LRP10: variants seen among roughly 807,000 people sequenced by gnomAD.
LRP10 encodes low-density lipoprotein receptor-related protein 10.
A neutral mutation model predicts 58.5 loss-of-function variants in LRP10; 42 were observed. That is an observed-to-expected ratio of 0.72 (90% CI 0.56 to 0.93). LRP10 has a LOEUF of 0.93. Among genes scored for constraint, LRP10 ranks in the 40% least tolerant of loss-of-function variants. The pLI is 0.00. For synonymous variants in LRP10, 377 were observed against 388.5 expected (o/e 0.97, Z 0.35); for missense variants, 872 against 940.1 (o/e 0.93, Z 0.95).
rs139650807 is a variant in LRP10 at position 22,875,867 on chromosome 14, T to A, written c.919T>A (p.Tyr307Asn). ...CAATGCCACCTACCATGTGCGGGGC[T>A]ATTGCTTGCCTTGGGACAGACCCTG... is the stretch of plus-strand genomic sequence containing the variant. ...GFNATYHVRG[Y>N]CLPWDRPCGL... The change falls in exon 5 of 7, where the codon TAT (tyrosine) becomes AAT (asparagine). Residue 307 changes from tyrosine (Y) to asparagine (N), a missense_variant. By Grantham distance (143) the Tyr-to-Asn change is moderately radical. Transcript: ENST00000359591. The A allele has an allele frequency of 3.8e-5, 62 of 1,613,782 alleles. No individual in the cohort carries two copies. The highest frequency in any genetic ancestry group is 3.5e-4 in the Admixed American group (21 of 60,026).
At chr14:22,874,922 A>T in intron 3 of LRP10, 133 bp from the exon 4 acceptor site, 1 of 514,088 alleles carries the variant, frequency 1.9e-6, no homozygotes, top group Non-Finnish European at 3.3e-6. Flanking sequence ...CTGAGTTTTC[A>T]TTTGGCCATT....
Position 22,873,586 on chromosome 14 carries a change from G to A in LRP10, c.215+140G>A, listed in dbSNP as rs565832633. ...GTCACCCGGGCTGGAGTGCAATGGC[G>A]CGATCTCAGCTCACTGCAACCACCA... On this transcript the variant is annotated intron_variant, in intron 3 of 6. Transcript: ENST00000359591. 5.4e-4 allele frequency: 568 copies of A among 1,057,214 alleles called. 2 individuals are homozygous for A. Among genetic ancestry groups the A allele is most frequent in the Non-Finnish European group, 5.6e-4 (427 of 756,650 alleles). 65.5% of individuals were successfully genotyped at this position (1,057,214 alleles called of 1,614,324 possible).
At chr14:22,873,219 G>T (rs1022846330) in intron 2 of LRP10, 92 bp from the exon 3 acceptor site, 1 of 1,499,312 alleles carries the variant, frequency 6.7e-7, no homozygotes, top group African/African-American at 1.4e-5. Flanking sequence ...GCAGAGCCCA[G>T]ACTTTTGGAA....
At chr14:22,872,694 TAA>T (rs1397854320) in intron 1 of LRP10, 42 bp from the exon 2 acceptor site, 3 of 1,600,446 alleles carry the variant, frequency 1.9e-6, no homozygotes, top group Non-Finnish European at 1.7e-6. Flanking sequence ...AGAAAACTCC[TAA>T]GGAGTGTCTC....
chr14:22,872,317 C>CCCT lies in LRP10; in HGVS notation c.30_32dup (p.Leu11dup), dbSNP rs745355268. The CCCT allele has an allele frequency of 1.2e-5, 20 of 1,610,340 alleles. No individual in the cohort carries two copies. The highest frequency in any genetic ancestry group is 4.5e-5 in the East Asian group (2 of 44,762). On this transcript the variant is annotated inframe_insertion, in exon 1 of 7. Coordinates refer to ENST00000359591, the MANE Select transcript of LRP10 (RefSeq NM_014045.5). Reference sequence around the variant, plus strand: ...GGACAGCCCAGGATGCTGTTGGCCACCCTCCTCCTCCTCCTCCTTGGTAAG... The same window carrying CCCT: ...GGACAGCCCAGGATGCTGTTGGCCACCCTCCTCCTCCTCCTCCTCCTTGGTAAG...
Position 22,873,460 on chromosome 14 carries a change from C to A in LRP10, c.215+14C>A, listed in dbSNP as rs952672545. 3.1e-6 allele frequency: 5 copies of A among 1,613,576 alleles called. No homozygotes were observed. Among genetic ancestry groups the A allele is most frequent in the Non-Finnish European group, 3.4e-6 (4 of 1,179,626 alleles). ...TGTCACCATCAGGTGAGAAGCAGAACAAGAGCAAGAACCCATTCTTCTCCC... is the reference window on the plus strand; with the variant it reads ...TGTCACCATCAGGTGAGAAGCAGAAAAAGAGCAAGAACCCATTCTTCTCCC... On this transcript the variant is annotated intron_variant, in intron 3 of 6. Coordinates refer to ENST00000359591, the MANE Select transcript of LRP10 (RefSeq NM_014045.5).
intron 1 of LRP10, 93 bp downstream of exon 1, chr14:22,872,430 G>A (rs1183058140): frequency 3.4e-6 from 5 of 1,479,140 alleles, no homozygotes; most frequent in South Asian, 2.3e-5. Context: ...TATCCTGCCT[G>A]CCCATTCCCC....
intron 3 of LRP10, among the ~76,000 whole-genome samples, chr14:22,874,585 T>C (rs1036652595): frequency 6.6e-6 from 1 of 152,184 alleles, no homozygotes; most frequent in African/African-American, 2.4e-5. Flanking sequence ...ATTGACTACA[T>C]TGACTTAAAA....
intron 3 of LRP10, among the ~76,000 whole-genome samples, chr14:22,873,784 C>T (rs569000349): frequency 1.5e-4 from 23 of 152,316 alleles, no homozygotes; most frequent in South Asian, 1.5e-3. Flanking sequence ...GCCTGGGCCT[C>T]CCAAAGTGCT....
chr14:22,872,164 G>T lies in LRP10; in HGVS notation c.-140G>T. 1 of 833,836 alleles carries T rather than the reference G, an allele frequency of 1.2e-6. No individual in the cohort carries two copies. The highest frequency in any genetic ancestry group is 1.7e-5 in the African/African-American group (1 of 58,948). The allele number at this position is 833,836 out of a possible 1,614,324, so 51.7% of individuals were successfully genotyped here. ...TCCCCGCCCCCAGCCCTGGCATCCA[G>T]AGTACGGGTCGAGCCCGGGCCATGG... On this transcript the variant is annotated 5_prime_UTR_variant, in exon 1 of 7. Coordinates refer to ENST00000359591, the MANE Select transcript of LRP10 (RefSeq NM_014045.5).
chr14:22,872,526 G>A (rs977093875), intron 1 of LRP10, among the ~76,000 whole-genome samples, 189 bp downstream of exon 1: 2 of 142,616 alleles, frequency 1.4e-5, no homozygotes, highest in African/African-American at 5.2e-5. Flanking sequence ...TCCTCTCTCC[G>A]GCTTCCCCTA....
At position 22,877,475 on chromosome 14, in the gene LRP10, C is replaced by T; in HGVS notation, c.2090C>T (p.Ala697Val). 1 of 1,612,186 alleles carries T rather than the reference C, an allele frequency of 6.2e-7. No individual in the cohort carries two copies. Among genetic ancestry groups the T allele is most frequent in the Non-Finnish European group, 8.5e-7 (1 of 1,179,538 alleles). ...GACGATGTGCTACTGGTGCCACTGG[C>T]TGAGCCGGGGGTGTGGGTAGCTGAG... ...DEDDVLLVPL[A>V]EPGVWVAEAE... is the part of the protein sequence containing the mutation. Residue 697 changes from alanine to valine, a missense_variant, in exon 7 of 7, where the codon GCT becomes GTT. Coordinates refer to ENST00000359591, the MANE Select transcript of LRP10 (RefSeq NM_014045.5). The surrounding 1 kb of genome is among the most constrained non-coding windows in gnomAD (Gnocchi z 5.1).
intron 4 of LRP10, 41 bp from the exon 5 acceptor site, chr14:22,875,314 G>T (rs2039990442): frequency 6.3e-7 from 1 of 1,591,570 alleles, no homozygotes; most frequent in Non-Finnish European, 8.6e-7. Flanking sequence ...GATCCTGAGG[G>T]TTCTGGTGCT....
rs747853076 is a variant in LRP10 at position 22,877,025 on chromosome 14, G to A, written c.1640G>A (p.Arg547His). Residue 547 changes from arginine to histidine, a missense_variant, in exon 7 of 7, where the codon CGT (arginine) becomes CAT (histidine). By Grantham distance (29) the Arg-to-His change is conservative. Transcript: ENST00000359591. This position sits in a 1 kb window ranked among gnomAD's most constrained non-coding sequence, Gnocchi z 5.1. ...GGAGGTGGCCCAGGTGCCCGCCGTC[G>A]TCAGCGGGGCCGCTTGATGCGACGC... ...TPGGGPGARR[R>H]QRGRLMRRLV... 50 of 1,612,842 alleles carry A rather than the reference G, an allele frequency of 3.1e-5. No individual in the cohort carries two copies. The highest frequency in any genetic ancestry group is 1.6e-4 in the Middle Eastern group (1 of 6,078).
intron 3 of LRP10, among the ~76,000 whole-genome samples, chr14:22,874,530 C>T (rs555107677): frequency 6.6e-6 from 1 of 152,332 alleles, no homozygotes; most frequent in Admixed American, 6.5e-5. Context: ...TTTATGGTCT[C>T]ATGGCGATAC....
intron 5 of LRP10, among the ~76,000 whole-genome samples, 153 bp downstream of exon 5, chr14:22,876,525 G>A (rs2040008152): frequency 6.6e-6 from 1 of 152,196 alleles, no homozygotes; most frequent in Non-Finnish European, 1.5e-5. Context: ...TCCAGATCCT[G>A]AAAGCAGTTT....
Position 22,872,143 on chromosome 14 carries a change from C to T in LRP10, c.-161C>T. 4.3e-6 allele frequency: 3 copies of T among 700,668 alleles called. No homozygotes were observed. Among genetic ancestry groups the T allele is most frequent in the Non-Finnish European group, 7.4e-6 (3 of 403,374 alleles). 43.4% of individuals were successfully genotyped at this position (700,668 alleles called of 1,614,324 possible). A position where few individuals can be genotyped will look rare whatever the true frequency, so the allele number is the denominator to read the frequency against. ...TACTCCCGGGCTGCCGCCGCCTCCC[C>T]GCCCCCAGCCCTGGCATCCAGAGTA... is the stretch of plus-strand genomic sequence containing the variant. On this transcript the variant is annotated 5_prime_UTR_variant, in exon 1 of 7. Coordinates refer to ENST00000359591, the MANE Select transcript of LRP10 (RefSeq NM_014045.5).
At chr14:22,873,649 C>T (rs544783938) in intron 3 of LRP10, among the ~76,000 whole-genome samples, 5 of 152,130 alleles carry the variant, frequency 3.3e-5, no homozygotes, top group South Asian at 4.2e-4. Context: ...CTTGGCCTCC[C>T]GAGTAGCTGG....
intron 5 of LRP10, 45 bp from the exon 6 acceptor site, chr14:22,876,644 C>T (rs1269564343): frequency 6.3e-7 from 1 of 1,599,898 alleles, no homozygotes. Context: ...GTGGTCTACT[C>T]TGGCCGAGAA....
Sources: allele counts gnomAD v4.1 joint callset (sites outside exome capture counted in the v4.1 genomes callset), GRCh38; gene constraint gnomAD v4.1.1; non-coding constraint Gnocchi (gnomAD v3.1); transcripts MANE v1.5; gene names NCBI Gene and HGNC (gene_info 2026-07-23, HGNC 2026-07-21).